TPRG1: variants seen among roughly 807,000 people sequenced by gnomAD.
TPRG1 encodes tumor protein p63-regulated gene 1 protein.
Under a neutral mutation model 29.3 loss-of-function variants are expected in TPRG1, and 29 were observed. The ratio of observed to expected loss-of-function variants is 0.99; its 90% CI spans 0.74 to 1.35. The LOEUF is 1.35. Among genes scored for constraint, TPRG1 ranks in the 40% most tolerant of loss-of-function variants. TPRG1 has a pLI of 0.00. For missense variants in TPRG1, 327 were observed against 335.0 expected, an observed-to-expected ratio of 0.98 and a Z score of 0.19; for synonymous variants, 130 against 116.8, an observed-to-expected ratio of 1.11 and a Z score of -0.73.
chr3:189,206,908 C>T (rs1275143073), intron 1 of TPRG1, among the ~76,000 whole-genome samples: 5 of 151,604 alleles, frequency 3.3e-5, no homozygotes, highest in East Asian at 1.9e-4. Flanking sequence ...TTTTAGAATT[C>T]GAATCTTTCA....
chr3:189,164,189 G>A (rs560748839), intron 5 of TPRG1, among the ~76,000 whole-genome samples: 1 of 151,670 alleles, frequency 6.6e-6, no homozygotes, highest in Non-Finnish European at 1.5e-5. Context: ...TTGAGACAGA[G>A]TCTCACTCTG....
intron 3 of TPRG1, among the ~76,000 whole-genome samples, chr3:189,224,281 GA>G (rs1395937770): frequency 6.6e-6 from 1 of 152,180 alleles, no homozygotes; most frequent in Non-Finnish European, 1.5e-5. Context: ...AAGAGATCGA[GA>G]CCATCCTGGC....
chr3:189,037,031 G>GAAA (rs63612761), intron 4 of TPRG1, among the ~76,000 whole-genome samples: 10 of 146,106 alleles, frequency 6.8e-5, no homozygotes, highest in African/African-American at 1.8e-4. Flanking sequence ...AGTGACTTCT[G>GAAA]AAAAAAAAAA....
chr3:189,212,993 T>C (rs1293559472), intron 2 of TPRG1, among the ~76,000 whole-genome samples: 1 of 152,204 alleles, frequency 6.6e-6, no homozygotes, highest in East Asian at 1.9e-4. Flanking sequence ...TGTTACGCTG[T>C]GTCAGATGAT....
chr3:189,102,485 C>T (rs1045701216), intron 1 of TPRG1, among the ~76,000 whole-genome samples: 2 of 151,206 alleles, frequency 1.3e-5, no homozygotes, highest in Admixed American at 6.6e-5. Flanking sequence ...CTTCTTCTTT[C>T]TCAGCCCTAC....
At chr3:189,090,960 C>A (rs1199908056) in intron 4 of TPRG1, among the ~76,000 whole-genome samples, 1 of 152,140 alleles carries the variant, frequency 6.6e-6, no homozygotes, top group African/African-American at 2.4e-5. Context: ...TTTGCTCTGA[C>A]TGGGAAACCC....
intron 4 of TPRG1, among the ~76,000 whole-genome samples, chr3:189,304,653 C>T (rs769918339): frequency 1.3e-5 from 2 of 152,102 alleles, no homozygotes; most frequent in African/African-American, 2.4e-5. Flanking sequence ...GGGTTCTTGT[C>T]ATGGAAAATA....
intron 4 of TPRG1, among the ~76,000 whole-genome samples, chr3:189,241,144 C>T (rs1740514485): frequency 6.6e-6 from 1 of 152,164 alleles, no homozygotes; most frequent in African/African-American, 2.4e-5. Context: ...AGGTCAAAGT[C>T]ATGTAAATTT....
At chr3:189,149,972 G>A (rs1016308054) in intron 4 of TPRG1, among the ~76,000 whole-genome samples, 1 of 152,178 alleles carries the variant, frequency 6.6e-6, no homozygotes, top group Non-Finnish European at 1.5e-5. Context: ...CTTTACTTAG[G>A]TTAATTGTTA....
intron 1 of TPRG1, among the ~76,000 whole-genome samples, chr3:189,191,597 C>A (rs994239204): frequency 1.3e-5 from 2 of 152,130 alleles, no homozygotes; most frequent in African/African-American, 4.8e-5. Context: ...TGCCTTCTTG[C>A]ATCTCATTAT....
intron 1 of TPRG1, among the ~76,000 whole-genome samples, chr3:189,178,938 G>A (rs143834999): frequency 5.4e-4 from 82 of 152,332 alleles, no homozygotes; most frequent in African/African-American, 1.9e-3. Flanking sequence ...TTAGAACTCA[G>A]TGTCTGCATC....
At chr3:189,100,741 T>C (rs1250660402) in intron 1 of TPRG1, among the ~76,000 whole-genome samples, 1 of 152,184 alleles carries the variant, frequency 6.6e-6, no homozygotes, top group Non-Finnish European at 1.5e-5. Flanking sequence ...ATTGGCTGAC[T>C]ATGAGAGCTT....
intron 4 of TPRG1, among the ~76,000 whole-genome samples, chr3:189,280,596 C>G (rs1397584134): frequency 6.6e-6 from 1 of 152,040 alleles, no homozygotes; most frequent in Non-Finnish European, 1.5e-5. Flanking sequence ...CAATGGAAAC[C>G]TATGCACATG....
At chr3:189,309,528 G>A (rs193225411) in intron 4 of TPRG1, among the ~76,000 whole-genome samples, 51 of 152,158 alleles carry the variant, frequency 3.4e-4, no homozygotes, top group Admixed American at 1.5e-3. Flanking sequence ...CTTAACCTCC[G>A]GGCATCTCTT....
chr3:189,290,955 T>A (rs1373777056), intron 4 of TPRG1, among the ~76,000 whole-genome samples: 1 of 152,036 alleles, frequency 6.6e-6, no homozygotes, highest in African/African-American at 2.4e-5. Flanking sequence ...CAGGCTGGAG[T>A]GCAGTGGCCC....
chr3:189,097,137 G>A (rs1718732397), upstream of TPRG1, among the ~76,000 whole-genome samples: 1 of 152,136 alleles, frequency 6.6e-6, no homozygotes, highest in South Asian at 2.1e-4. Flanking sequence ...TCAAATGTTG[G>A]CACATTTCAT....
At chr3:189,248,793 C>G (rs1741731388) in intron 4 of TPRG1, among the ~76,000 whole-genome samples, 1 of 151,050 alleles carries the variant, frequency 6.6e-6, no homozygotes, top group African/African-American at 2.4e-5. Flanking sequence ...AATGTCTTCT[C>G]TTACTATTTC....
chr3:189,283,405 A>T (rs570900265), intron 4 of TPRG1, among the ~76,000 whole-genome samples: 15 of 152,314 alleles, frequency 9.8e-5, no homozygotes, highest in African/African-American at 3.6e-4. Flanking sequence ...GCAATGTGTC[A>T]TCTCTTTTAT....
chr3:189,218,532 A>G (rs1260765844), intron 3 of TPRG1, among the ~76,000 whole-genome samples: 1 of 152,208 alleles, frequency 6.6e-6, no homozygotes, highest in African/African-American at 2.4e-5. Context: ...CTGCCTGTCT[A>G]GCATGCCTGG....
Sources: allele counts gnomAD v4.1 joint callset (sites outside exome capture counted in the v4.1 genomes callset), GRCh38; gene constraint gnomAD v4.1.1; transcripts MANE v1.5; gene names NCBI Gene and HGNC (gene_info 2026-07-23, HGNC 2026-07-21).